The following SEL1L3 variants were observed in gnomAD, a reference collection of about 807,000 sequenced individuals.
The protein encoded by SEL1L3 is SEL1L family member 3.
Under a neutral mutation model 142.8 loss-of-function variants are expected in SEL1L3, and 76 were observed. The ratio of observed to expected loss-of-function variants is 0.53; its 90% CI spans 0.44 to 0.64. The LOEUF (loss-of-function observed/expected upper bound fraction) is 0.64. Ranked by LOEUF, SEL1L3 falls within the 30% of genes least tolerant of loss-of-function variation. The pLI is 0.00. For missense variants in SEL1L3, 1,262 were observed against 1,381.7 expected (o/e 0.91, Z 1.37); for synonymous variants, 504 against 519.6 (o/e 0.97, Z 0.41).
rs1719879698 is a variant in SEL1L3 at position 25,779,851 on chromosome 4, T to A, written c.2458-648A>T. On this transcript the variant is annotated intron_variant, in intron 15 of 23. Transcript: ENST00000399878. Reference sequence around the variant, plus strand: ...TGAAGTTAGGCAGGCTTGGTTCAAATCCCAACTCTGCTCCTTACTAGCTGT... The same window carrying A: ...TGAAGTTAGGCAGGCTTGGTTCAAAACCCAACTCTGCTCCTTACTAGCTGT... 2.6e-5 allele frequency among the ~76,000 whole-genome samples: 4 copies of A among 152,290 alleles called. No individual in the cohort carries two copies. In the South Asian group the frequency reaches 8.3e-4, roughly 32 times the overall value.
the SEL1L3 span, among the ~76,000 whole-genome samples, chr4:25,714,480 C>A: frequency 1.6e-5 from 2 of 121,968 alleles, no homozygotes; most frequent in African/African-American, 8.1e-5. Flanking sequence ...AAATTGCTTT[C>A]TTTCTTTCTC....
At chr4:25,835,149 A>G in intron 3 of SEL1L3, 48 bp downstream of exon 3, 1 of 1,606,798 alleles carries the variant, frequency 6.2e-7, no homozygotes, top group Non-Finnish European at 8.5e-7. Flanking sequence ...TGGTCCTCAA[A>G]TAAAACAAGC....
At chr4:25,782,963 C>T (rs1222186521) in intron 14 of SEL1L3, among the ~76,000 whole-genome samples, 2 of 152,174 alleles carry the variant, frequency 1.3e-5, no homozygotes, top group East Asian at 3.8e-4. Flanking sequence ...GAAGCAGAAG[C>T]AGAAGGGGAT....
At chr4:25,856,385 G>C (rs1213044212) in intron 1 of SEL1L3, among the ~76,000 whole-genome samples, 3 of 152,040 alleles carry the variant, frequency 2.0e-5, no homozygotes, top group South Asian at 2.1e-4. Context: ...AAATTATGTG[G>C]TTTAGGCAGC....
intron 13 of SEL1L3, among the ~76,000 whole-genome samples, chr4:25,785,942 T>C (rs1045997903): frequency 4.6e-5 from 7 of 152,186 alleles, no homozygotes; most frequent in African/African-American, 1.7e-4. Context: ...GTTTACACTA[T>C]ACCCGCTATT....
intron 13 of SEL1L3, among the ~76,000 whole-genome samples, chr4:25,787,821 C>G (rs1711957464): frequency 6.6e-6 from 1 of 152,172 alleles, no homozygotes; most frequent in African/African-American, 2.4e-5. Context: ...AAACCAAGAT[C>G]TTTATTTTCA....
chr4:25,805,582 A>G (rs555221260), intron 9 of SEL1L3, among the ~76,000 whole-genome samples: 1 of 106,134 alleles, frequency 9.4e-6, no homozygotes, highest in Admixed American at 1.1e-4. Flanking sequence ...GCTTTAAGCT[A>G]TATGATGCTT....
the SEL1L3 span, among the ~76,000 whole-genome samples, chr4:25,735,325 G>A: frequency 1.3e-5 from 2 of 151,802 alleles, no homozygotes; most frequent in African/African-American, 2.4e-5. Flanking sequence ...GATTACAGGC[G>A]TGAGCTACCA....
intron 23 of SEL1L3, among the ~76,000 whole-genome samples, chr4:25,755,530 T>C (rs1717898789): frequency 6.6e-6 from 1 of 152,102 alleles, no homozygotes; most frequent in Non-Finnish European, 1.5e-5. Context: ...TAGCCTTCTT[T>C]AGGCTGGTCA....
chr4:25,842,130 G>A (rs959200457), intron 2 of SEL1L3, among the ~76,000 whole-genome samples: 3 of 151,976 alleles, frequency 2.0e-5, no homozygotes, highest in Admixed American at 2.0e-4. Context: ...ATACATAGTA[G>A]GTGCTCAGTC....
chr4:25,807,130 C>A (rs1713641285), intron 9 of SEL1L3, among the ~76,000 whole-genome samples: 1 of 152,156 alleles, frequency 6.6e-6, no homozygotes. Context: ...GAATAACTCT[C>A]TGGGGCTGTC....
rs1318133405 is a variant in SEL1L3 at position 25,757,718 on chromosome 4, A to G, written c.3156T>C (p.Leu1052=). 1.3e-6 allele frequency: 2 copies of G among 1,598,020 alleles called. No individual in the cohort carries two copies. The highest frequency in any genetic ancestry group is 1.7e-6 in the Non-Finnish European group (2 of 1,172,494). ...CTGAGTGCAGGATAGCACCCCAGAG[A>G]AGCCGCAAGTGCAGGTAAAGCCAGG... ...SLAWLYLHLR[L]LWGAILHSAL... Residue 1052 remains leucine, a synonymous_variant, in exon 22 of 24, where the codon CTT becomes CTC. Transcript: ENST00000399878.
chr4:25,762,830 T>C (rs555206204), intron 20 of SEL1L3, among the ~76,000 whole-genome samples: 5 of 151,730 alleles, frequency 3.3e-5, no homozygotes, highest in Non-Finnish European at 7.4e-5. Context: ...ACACAAAAAT[T>C]AGCTGGGTGT....
At chr4:25,824,167 GTC>G (rs1398561230) in intron 6 of SEL1L3, among the ~76,000 whole-genome samples, 1 of 152,146 alleles carries the variant, frequency 6.6e-6, no homozygotes, top group Non-Finnish European at 1.5e-5. Context: ...TGCGAACTGA[GTC>G]TGTTTTCCAA....
At chr4:25,742,500 G>A (rs893522616), downstream of SEL1L3, among the ~76,000 whole-genome samples, 1 of 151,994 alleles carries the variant, frequency 6.6e-6, no homozygotes. Flanking sequence ...GTTTCACCAC[G>A]TTGGCCAGGC....
intron 9 of SEL1L3, among the ~76,000 whole-genome samples, chr4:25,811,748 GTTTT>G (rs60024973): frequency 2.5e-5 from 3 of 121,616 alleles, no homozygotes; most frequent in African/African-American, 9.0e-5. Flanking sequence ...TTCTTTTCCT[GTTTT>G]TTTTTTTTTT....
At chr4:25,772,740 A>C (rs1203354947) in intron 17 of SEL1L3, among the ~76,000 whole-genome samples, 1 of 152,226 alleles carries the variant, frequency 6.6e-6, no homozygotes, top group Non-Finnish European at 1.5e-5. Context: ...CTGTTACAGC[A>C]GTGAATATGA....
chr4:25,852,224 A>T (rs1055528841), intron 1 of SEL1L3, among the ~76,000 whole-genome samples: 1 of 152,190 alleles, frequency 6.6e-6, no homozygotes, highest in African/African-American at 2.4e-5. Flanking sequence ...TCAAGAGGTG[A>T]CATTCTCCAA....
At chr4:25,780,917 C>A (rs534752360) in intron 15 of SEL1L3, among the ~76,000 whole-genome samples, 2 of 151,224 alleles carry the variant, frequency 1.3e-5, no homozygotes, top group South Asian at 4.2e-4. Flanking sequence ...CCTCTGCCTC[C>A]GGGGTTCCAG....
Sources: allele counts gnomAD v4.1 joint callset (sites outside exome capture counted in the v4.1 genomes callset), GRCh38; gene constraint gnomAD v4.1.1; transcripts MANE v1.5; gene names NCBI Gene and HGNC (gene_info 2026-07-23, HGNC 2026-07-21).